The following IPO11 variants were observed in gnomAD, a reference collection of about 807,000 sequenced individuals.
The protein encoded by IPO11 is importin 11, also known as importin-11.
A neutral mutation model predicts 143.2 loss-of-function variants in IPO11; 66 were observed. The ratio of observed to expected loss-of-function variants is 0.46; its 90% CI spans 0.38 to 0.57. IPO11 has a LOEUF of 0.57. Ranked by LOEUF, IPO11 falls within the 20% of genes least tolerant of loss-of-function variation. IPO11 has a pLI of 0.00. For synonymous variants in IPO11, 385 were observed against 377.8 expected, an observed-to-expected ratio of 1.02 and a Z score of -0.22; for missense variants, 1,026 against 1,141.0, an observed-to-expected ratio of 0.90 and a Z score of 1.45.
chr5:62,493,712 G>A (rs1050374041), intron 15 of IPO11, among the ~76,000 whole-genome samples: 1 of 152,032 alleles, frequency 6.6e-6, no homozygotes. Context: ...GGGACCACAG[G>A]TGCATGCCAC....
At chr5:62,479,567 A>C (rs567601008) in intron 9 of IPO11, among the ~76,000 whole-genome samples, 5 of 152,088 alleles carry the variant, frequency 3.3e-5, no homozygotes, top group African/African-American at 1.2e-4. Flanking sequence ...GTGTAAAAGC[A>C]TTCCTATTTC....
At chr5:62,514,705 A>G (rs898271631) in intron 19 of IPO11, among the ~76,000 whole-genome samples, 4 of 152,238 alleles carry the variant, frequency 2.6e-5, no homozygotes, top group South Asian at 2.1e-4. Context: ...GCTTATAGCA[A>G]TCTCAAATAC....
At chr5:62,613,112 A>G (rs1745986525) in intron 29 of IPO11, among the ~76,000 whole-genome samples, 3 of 152,112 alleles carry the variant, frequency 2.0e-5, no homozygotes, top group Non-Finnish European at 4.4e-5. Context: ...TGAGACTAAG[A>G]ATTTTTTAGA....
At chr5:62,555,301 T>G (rs115097982) in intron 26 of IPO11, among the ~76,000 whole-genome samples, 1 of 151,580 alleles carries the variant, frequency 6.6e-6, no homozygotes, top group African/African-American at 2.4e-5. Flanking sequence ...TTTTAAATTT[T>G]AAAAATTTGC....
At chr5:62,538,658 T>G (rs1238194075) in intron 24 of IPO11, among the ~76,000 whole-genome samples, 1 of 152,216 alleles carries the variant, frequency 6.6e-6, no homozygotes, top group Admixed American at 6.5e-5. Context: ...CCTCTTTCCT[T>G]TATAAATTAC....
intron 27 of IPO11, chr5:62,579,727 C>T (rs778356445): frequency 1.6e-5 from 24 of 1,547,942 alleles, no homozygotes; most frequent in Non-Finnish European, 2.1e-5. Context: ...TTCTAACATT[C>T]TGTATGTATA....
chr5:62,435,539 G>A (rs1207751975), intron 1 of IPO11, among the ~76,000 whole-genome samples: 1 of 151,986 alleles, frequency 6.6e-6, no homozygotes, highest in African/African-American at 2.4e-5. Context: ...GCCGTGAGCA[G>A]TGATCACGTC....
In IPO11 at chr5:62,487,756, T is replaced by A; in HGVS notation, c.1219-15T>A. The A allele has an allele frequency of 1.3e-6, 2 of 1,546,120 alleles. No homozygotes were observed. Among genetic ancestry groups the A allele is most frequent in the African/African-American group, 2.8e-5 (2 of 72,308 alleles). ...CAACTGTTTTGATGAGAAATTTGTA[T>A]TTTTCCCTCTCCAGCCATGCACTGA... On this transcript the variant is annotated splice_polypyrimidine_tract_variant and intron_variant, in intron 12 of 29. Coordinates refer to ENST00000325324, the MANE Select transcript of IPO11 (RefSeq NM_016338.5).
At chr5:62,627,127 A>G (rs1300067028) in intron 29 of IPO11, 27 bp from the exon 30 acceptor site, 2 of 1,566,812 alleles carry the variant, frequency 1.3e-6, no homozygotes, top group Middle Eastern at 1.8e-4. Context: ...CTTTTTTGAC[A>G]GTCTTGCTCC....
chr5:62,424,201 G>A (rs540484163), intron 1 of IPO11, among the ~76,000 whole-genome samples: 41 of 151,486 alleles, frequency 2.7e-4, no homozygotes, highest in African/African-American at 8.5e-4. Context: ...GTGCAGTGGC[G>A]CAATCCGAGC....
At chr5:62,492,094 G>T (rs1746635623) in intron 15 of IPO11, among the ~76,000 whole-genome samples, 1 of 152,096 alleles carries the variant, frequency 6.6e-6, no homozygotes, top group Admixed American at 6.6e-5. Context: ...TAAAGTTTAG[G>T]TTTTGACTTA....
intron 23 of IPO11, 106 bp from the exon 24 acceptor site, chr5:62,537,103 A>G: frequency 2.9e-6 from 2 of 689,030 alleles, no homozygotes; most frequent in Non-Finnish European, 5.0e-6. Flanking sequence ...TTAGACCATT[A>G]GTGTATAATT....
At chr5:62,476,797 T>C in intron 9 of IPO11, 44 bp downstream of exon 9, 2 of 1,436,568 alleles carry the variant, frequency 1.4e-6, no homozygotes, top group Non-Finnish European at 1.9e-6. Context: ...AATACACATA[T>C]TCAGATTTAC....
intron 1 of IPO11, among the ~76,000 whole-genome samples, chr5:62,417,473 G>A (rs1019364380): frequency 3.3e-5 from 5 of 151,646 alleles, no homozygotes; most frequent in East Asian, 1.9e-4. Flanking sequence ...CTACTTGTTC[G>A]TTCTTGAAAT....
chr5:62,537,987 C>T (rs899573255), intron 24 of IPO11, among the ~76,000 whole-genome samples: 1 of 151,884 alleles, frequency 6.6e-6, no homozygotes, highest in African/African-American at 2.4e-5. Flanking sequence ...CAAACCTGCA[C>T]GTTGTGCACA....
chr5:62,511,724 G>T (rs148343839), intron 19 of IPO11, among the ~76,000 whole-genome samples: 1 of 151,944 alleles, frequency 6.6e-6, no homozygotes, highest in East Asian at 1.9e-4. Flanking sequence ...TGAAGGTCTA[G>T]TGTTATTTCA....
rs16890849 is a variant in IPO11, at chr5:62,578,909, G to C, written c.2583-12668G>C. On this transcript the variant is annotated intron_variant, in intron 27 of 29. Transcript: ENST00000325324. ...AAAACCTTTACTGAATCAGCTGAGT[G>C]TTAATAATACGAATTTCCTTTTCTT... The C allele has an allele frequency of 5.4e-3, 1,393 of 256,552 alleles. 20 individuals are homozygous for C. The highest frequency in any genetic ancestry group is 0.03 in the African/African-American group (1,313 of 43,308). The allele number at this position is 256,552 out of a possible 1,614,324, so 15.9% of individuals were successfully genotyped here. A position where few individuals can be genotyped will look rare whatever the true frequency, so the allele number is the denominator to read the frequency against.
chr5:62,467,500 G>A (rs1224407483), intron 6 of IPO11, among the ~76,000 whole-genome samples: 2 of 152,068 alleles, frequency 1.3e-5, no homozygotes, highest in African/African-American at 4.8e-5. Flanking sequence ...ACATTATTGC[G>A]GCCTCATGGC....
chr5:62,550,189 T>C (rs571607598), intron 24 of IPO11, among the ~76,000 whole-genome samples, 178 bp from the exon 25 acceptor site: 49 of 152,318 alleles, frequency 3.2e-4, no homozygotes, highest in African/African-American at 1.1e-3. Flanking sequence ...ACTGCAATTT[T>C]AAAATGGATT....
Sources: gnomAD v4.1 joint callset for allele counts (sites outside exome capture counted in the v4.1 genomes callset) on GRCh38, gnomAD v4.1.1 for gene constraint, MANE v1.5 for transcripts, NCBI Gene and HGNC (gene_info 2026-07-23, HGNC 2026-07-21) for gene names.